The following HYCC1 variants were observed in gnomAD, a reference collection of about 807,000 sequenced individuals.
HYCC1 encodes hyccin.
At chr7:22,990,085 T>C in the HYCC1 span, among the ~76,000 whole-genome samples, 7 of 152,212 alleles carry the variant, frequency 4.6e-5, no homozygotes, top group African/African-American at 1.7e-4. Context: ...GAGATATAAA[T>C]ATGGAGTTTC....
At chr7:23,010,703 G>C in the HYCC1 span, among the ~76,000 whole-genome samples, 1 of 152,000 alleles carries the variant, frequency 6.6e-6, no homozygotes, top group African/African-American at 2.4e-5. Context: ...TGATATCTGG[G>C]TTCAACACCC....
the HYCC1 span, chr7:22,938,996 C>T: frequency 6.6e-6 from 1 of 152,174 alleles, no homozygotes; most frequent in Non-Finnish European, 1.5e-5. Flanking sequence ...TATACACACA[C>T]TCATATTTAA....
chr7:22,985,701 T>C, the HYCC1 span: 1 of 151,954 alleles, frequency 6.6e-6, no homozygotes, highest in Admixed American at 6.6e-5. Context: ...GAGGCAACAT[T>C]CCATTTCCGT....
At chr7:22,990,923 C>G in the HYCC1 span, 2 of 643,950 alleles carry the variant, frequency 3.1e-6, no homozygotes, top group Non-Finnish European at 5.6e-6. Flanking sequence ...GTAAATAACT[C>G]TCTATTGAGA....
the HYCC1 span, among the ~76,000 whole-genome samples, chr7:22,905,128 A>G: frequency 6.6e-6 from 1 of 152,192 alleles, no homozygotes. Flanking sequence ...GCACTAAGCC[A>G]TTCATGACAG....
At chr7:22,977,378 G>A in the HYCC1 span, 10 of 1,598,638 alleles carry the variant, frequency 6.3e-6, no homozygotes, top group Admixed American at 5.0e-5. Context: ...AGATGGAATC[G>A]TAAAACTCAA....
the HYCC1 span, among the ~76,000 whole-genome samples, chr7:22,968,070 T>C: frequency 2.6e-5 from 4 of 152,192 alleles, no homozygotes; most frequent in South Asian, 6.2e-4. Context: ...TACCTCCATA[T>C]CTATTTGTAA....
chr7:22,968,188 A>T, the HYCC1 span, among the ~76,000 whole-genome samples: 1 of 152,130 alleles, frequency 6.6e-6, no homozygotes, highest in Admixed American at 6.6e-5. Flanking sequence ...TTGCATTTAG[A>T]TGTGATCATG....
At chr7:22,910,248 C>T in the HYCC1 span, among the ~76,000 whole-genome samples, 1 of 152,138 alleles carries the variant, frequency 6.6e-6, no homozygotes, top group Non-Finnish European at 1.5e-5. Flanking sequence ...TGGTTTGATG[C>T]CCTTCCCATC....
chr7:22,906,899 C>A, the HYCC1 span, among the ~76,000 whole-genome samples: 2 of 151,518 alleles, frequency 1.3e-5, no homozygotes, highest in Non-Finnish European at 2.9e-5. Flanking sequence ...ATTAAAAGCC[C>A]AAGATTGGAA....
chr7:22,946,589 T>C, the HYCC1 span, among the ~76,000 whole-genome samples: 3 of 152,002 alleles, frequency 2.0e-5, no homozygotes, highest in African/African-American at 4.8e-5. Context: ...TTTTAGAAGG[T>C]TGTACTCTAT....
the HYCC1 span, among the ~76,000 whole-genome samples, chr7:22,930,554 T>A: frequency 6.6e-6 from 1 of 151,972 alleles, no homozygotes; most frequent in African/African-American, 2.4e-5. Flanking sequence ...ATTTAAAGAA[T>A]AATTCATAAC....
the HYCC1 span, among the ~76,000 whole-genome samples, chr7:22,897,447 A>G: frequency 1.9e-3 from 292 of 152,302 alleles, 2 homozygotes; most frequent in Middle Eastern, 6.8e-3. Flanking sequence ...AAGCAATAAG[A>G]CCAGAAAGGA....
the HYCC1 span, chr7:22,939,285 T>C: frequency 2.6e-5 from 4 of 152,176 alleles, no homozygotes; most frequent in Admixed American, 2.6e-4. Context: ...AAGAGTAGGA[T>C]GGCTGTTTCA....
chr7:22,929,584 G>A, the HYCC1 span, among the ~76,000 whole-genome samples: 36 of 152,054 alleles, frequency 2.4e-4, no homozygotes, highest in East Asian at 7.7e-4. Context: ...CAAAAAACAC[G>A]TGAAAAAATG....
chr7:22,975,698 CTTGTTTTTG>C, the HYCC1 span, among the ~76,000 whole-genome samples: 144 of 152,070 alleles, frequency 9.5e-4, 1 homozygote, highest in South Asian at 1.9e-3. Context: ...TCATGATGTT[CTTGTTTTTG>C]TTGTTTTTGT....
At chr7:22,993,471 G>T in the HYCC1 span, among the ~76,000 whole-genome samples, 1 of 152,066 alleles carries the variant, frequency 6.6e-6, no homozygotes. Flanking sequence ...AAGCCATAGG[G>T]TGGCAGATGA....
At chr7:22,944,326 C>T in the HYCC1 span, 1 of 152,162 alleles carries the variant, frequency 6.6e-6, no homozygotes, top group African/African-American at 2.4e-5. Context: ...TAGCAAACAT[C>T]AAACTTTTAT....
At chr7:22,951,891 GAAAA>G in the HYCC1 span, among the ~76,000 whole-genome samples, 1 of 151,718 alleles carries the variant, frequency 6.6e-6, no homozygotes, top group Non-Finnish European at 1.5e-5. Context: ...TACATGCATA[GAAAA>G]AACTAAATGA....
Sources: allele counts gnomAD v4.1 joint callset (sites outside exome capture counted in the v4.1 genomes callset), GRCh38; gene constraint gnomAD v4.1.1; transcripts MANE v1.5; gene names NCBI Gene and HGNC (gene_info 2026-07-23, HGNC 2026-07-21).